The following ARHGAP26 variants were observed in gnomAD, a reference collection of about 807,000 sequenced individuals.
ARHGAP26 encodes the protein Rho GTPase activating protein 26.
A neutral mutation model predicts 104.8 loss-of-function variants in ARHGAP26; 38 were observed. The ratio of observed to expected loss-of-function variants is 0.36; its 90% CI spans 0.28 to 0.48. The LOEUF (loss-of-function observed/expected upper bound fraction) is 0.48. ARHGAP26 is among the 20% of genes least tolerant of loss of function. The pLI, the probability that ARHGAP26 is intolerant of heterozygous loss-of-function variation, is 0.99. For missense variants in ARHGAP26, 704 were observed against 947.9 expected (o/e 0.74, Z 3.38); for synonymous variants, 341 against 340.0 (o/e 1.00, Z -0.03).
At chr5:142,823,245 T>C (rs1325730571) in intron 1 of ARHGAP26, among the ~76,000 whole-genome samples, 1 of 152,134 alleles carries the variant, frequency 6.6e-6, no homozygotes, top group African/African-American at 2.4e-5. Context: ...TCTCTTCAGG[T>C]AAGGACACTG....
chr5:142,847,875 A>T (rs1438911682), intron 1 of ARHGAP26, among the ~76,000 whole-genome samples: 2 of 152,216 alleles, frequency 1.3e-5, no homozygotes, highest in African/African-American at 4.8e-5. Flanking sequence ...TGGAGTGAAC[A>T]TCAGGGAAGA....
Position 142,840,180 on chromosome 5 carries a change from T to TA in ARHGAP26, c.155-33220_155-33219insA, listed in dbSNP as rs150165972. Among the ~76,000 whole-genome samples, 851 of 152,306 alleles carry TA rather than the reference T, an allele frequency of 5.6e-3. 18 individuals carry two copies. In the East Asian group the frequency reaches 0.063, roughly 11 times the overall value. Reference sequence around the variant, plus strand: ...AGGTTCATTCAAGGACTGGGTAGTTTTTGAGGTCCTTTATCCTCATAGTCA... The same window carrying TA: ...AGGTTCATTCAAGGACTGGGTAGTTTATTGAGGTCCTTTATCCTCATAGTCA... On this transcript the variant is annotated intron_variant, in intron 1 of 22. Coordinates refer to ENST00000645722, the MANE Select transcript of ARHGAP26 (RefSeq NM_001135608.3).
chr5:143,017,062 T>C (rs2152826579), intron 12 of ARHGAP26, among the ~76,000 whole-genome samples: 1 of 152,324 alleles, frequency 6.6e-6, no homozygotes. Flanking sequence ...CAATCTGATA[T>C]GAATTTAAGA....
intron 20 of ARHGAP26, chr5:143,203,723 C>G (rs1049617247): frequency 1.7e-4 from 26 of 152,240 alleles, no homozygotes; most frequent in African/African-American, 6.0e-4. Context: ...ACATATACAC[C>G]ATGGAATACT....
At chr5:143,010,712 G>C (rs1778607992) in intron 11 of ARHGAP26, 1 of 152,210 alleles carries the variant, frequency 6.6e-6, no homozygotes, top group South Asian at 2.1e-4. Context: ...ATGCTTGGGT[G>C]TTCCAGGAAG....
At chr5:143,084,620 G>A (rs1790285135) in intron 17 of ARHGAP26, among the ~76,000 whole-genome samples, 1 of 152,196 alleles carries the variant, frequency 6.6e-6, no homozygotes, top group Non-Finnish European at 1.5e-5. Flanking sequence ...CTTGTGATCT[G>A]GACACTGCTT....
intron 1 of ARHGAP26, among the ~76,000 whole-genome samples, chr5:142,833,521 A>G (rs796956370): frequency 7.2e-4 from 109 of 152,300 alleles, no homozygotes; most frequent in African/African-American, 2.4e-3. Flanking sequence ...ATTTTAAAGA[A>G]TATGATGGAC....
chr5:143,133,941 A>C lies in ARHGAP26; in HGVS notation c.1699-26A>C. ...TCTTCCCAGTCCACAGATGTGAGTA[A>C]CCTTGTTGTGAAACTTCGTTTGCAG... On this transcript the variant is annotated intron_variant, in intron 18 of 22. Coordinates refer to ENST00000645722, the MANE Select transcript of ARHGAP26 (RefSeq NM_001135608.3). 1.9e-6 allele frequency: 3 copies of C among 1,596,066 alleles called. No individual in the cohort carries two copies. The South Asian group carries it at 3.4e-5, about 18-fold the overall frequency.
chr5:142,935,448 A>G (rs904527699), intron 11 of ARHGAP26, among the ~76,000 whole-genome samples: 15 of 152,256 alleles, frequency 9.9e-5, no homozygotes, highest in African/African-American at 3.4e-4. Context: ...GACAATATGT[A>G]AATGAATAGG....
At chr5:143,189,565 TA>T (rs1195047810) in intron 20 of ARHGAP26, among the ~76,000 whole-genome samples, 1 of 151,004 alleles carries the variant, frequency 6.6e-6, no homozygotes, top group Non-Finnish European at 1.5e-5. Flanking sequence ...TAGTATTTCC[TA>T]AATTTTTTCC....
intron 20 of ARHGAP26, among the ~76,000 whole-genome samples, chr5:143,165,769 A>G (rs1186453483): frequency 6.6e-6 from 1 of 152,110 alleles, no homozygotes; most frequent in African/African-American, 2.4e-5. Flanking sequence ...CTTTATGTGC[A>G]TGATGTGTAT....
intron 11 of ARHGAP26, among the ~76,000 whole-genome samples, chr5:142,933,784 T>C (rs576332991): frequency 1.3e-5 from 2 of 152,330 alleles, no homozygotes; most frequent in East Asian, 3.9e-4. Flanking sequence ...GGACATGTTA[T>C]TACTTCAAAG....
At chr5:143,032,873 A>G (rs1439325896) in intron 12 of ARHGAP26, among the ~76,000 whole-genome samples, 1 of 151,970 alleles carries the variant, frequency 6.6e-6, no homozygotes, top group Non-Finnish European at 1.5e-5. Flanking sequence ...GAAGAGACAA[A>G]GAGAGATGGG....
chr5:143,085,413 AAG>A (rs1790446773), intron 17 of ARHGAP26, among the ~76,000 whole-genome samples: 2 of 152,128 alleles, frequency 1.3e-5, no homozygotes, highest in Admixed American at 1.3e-4. Flanking sequence ...GTTGAGAAAA[AAG>A]AGGGGGACAA....
At chr5:143,141,560 C>G (rs999229374) in intron 19 of ARHGAP26, among the ~76,000 whole-genome samples, 5 of 152,244 alleles carry the variant, frequency 3.3e-5, no homozygotes, top group African/African-American at 1.2e-4. Context: ...AACAAAACTC[C>G]CTAATTGCAC....
chr5:143,021,092 T>A (rs1780281169), intron 12 of ARHGAP26, among the ~76,000 whole-genome samples: 1 of 152,196 alleles, frequency 6.6e-6, no homozygotes, highest in African/African-American at 2.4e-5. Context: ...ATTACAGAAA[T>A]ACAGCAAAAT....
At chr5:143,177,577 GA>G (rs1365973792) in intron 20 of ARHGAP26, among the ~76,000 whole-genome samples, 1 of 152,128 alleles carries the variant, frequency 6.6e-6, no homozygotes, top group Non-Finnish European at 1.5e-5. Context: ...CAGAAGTTGG[GA>G]AAAATTTCTG....
In ARHGAP26 at chr5:143,196,365, C is replaced by T. The variant is rs189836355; in HGVS notation, c.1989-10833C>T. Among the ~76,000 whole-genome samples the T allele has an allele frequency of 3.0e-4, 45 of 152,220 alleles. 2 individuals carry two copies. Among genetic ancestry groups the T allele is most frequent in the African/African-American group, 9.6e-4 (40 of 41,524 alleles). On this transcript the variant is annotated intron_variant, in intron 20 of 22. Transcript: ENST00000645722. ...TCTTGTTTTTCGCGGTAGTCATGTT[C>T]TATAAAGTCACTGCAAACACGGAAT...
At position 143,147,227 on chromosome 5, in the gene ARHGAP26, C is replaced by A. The variant is rs772215456; in HGVS notation, c.1838-4C>A. 1.9e-6 allele frequency: 3 copies of A among 1,613,366 alleles called. No homozygotes were observed. Among genetic ancestry groups the A allele is most frequent in the Non-Finnish European group, 2.5e-6 (3 of 1,179,652 alleles). On this transcript the variant is annotated splice_region_variant and splice_polypyrimidine_tract_variant and intron_variant, in intron 19 of 22. Coordinates refer to ENST00000645722, the MANE Select transcript of ARHGAP26 (RefSeq NM_001135608.3). ...ATATGGGACTTGTGGCTTTTCCCCC[C>A]CAGAGGAACAAAGGAACAGCATCAT...
Sources: allele counts gnomAD v4.1 joint callset (sites outside exome capture counted in the v4.1 genomes callset), GRCh38; gene constraint gnomAD v4.1.1; transcripts MANE v1.5; gene names NCBI Gene and HGNC (gene_info 2026-07-23, HGNC 2026-07-21).